Variants in PEBP4 observed in about 807,000 individuals in gnomAD.
PEBP4 encodes the protein phosphatidylethanolamine-binding protein 4.
Under a neutral mutation model 23.9 loss-of-function variants are expected in PEBP4, and 22 were observed. The observed-to-expected ratio is 0.92, with a 90% confidence interval of 0.66 to 1.31. The LOEUF is 1.31. PEBP4 is among the 40% of genes most tolerant of loss of function. The probability of loss-of-function intolerance (pLI) is 0.00; values close to 1 mark genes in which losing one functional copy is unlikely to be tolerated. For missense variants in PEBP4, 324 were observed against 281.7 expected (o/e 1.15, Z -1.07); for synonymous variants, 112 against 99.3 (o/e 1.13, Z -0.76).
chr8:22,724,568 G>A (rs960409867), intron 6 of PEBP4, among the ~76,000 whole-genome samples: 5 of 152,240 alleles, frequency 3.3e-5, no homozygotes, highest in Non-Finnish European at 5.9e-5. Flanking sequence ...CCTGGCTGCA[G>A]TCACCTGCTT....
chr8:22,939,128 G>C (rs1015008018), intron 1 of PEBP4, among the ~76,000 whole-genome samples: 9 of 152,000 alleles, frequency 5.9e-5, no homozygotes, highest in Non-Finnish European at 1.3e-4. Flanking sequence ...CAGGGAGTGG[G>C]GCTTACTTCT....
chr8:22,724,739 T>C, intron 6 of PEBP4, 104 bp downstream of exon 6: 1 of 827,792 alleles, frequency 1.2e-6, no homozygotes, highest in Non-Finnish European at 2.0e-6. Context: ...TCTCCAAGGC[T>C]CATGAGTGGG....
intron 3 of PEBP4, among the ~76,000 whole-genome samples, chr8:22,860,185 TATATATGTATATATATATATACAC>T (rs1261001785): frequency 0.085 from 3,846 of 45,160 alleles, 73 homozygotes; most frequent in Middle Eastern, 0.16. Flanking sequence ...TATATACACA[TATATATGTATATATATATATACAC>T]ATATATGTAT....
At chr8:22,798,589 T>C (rs975793581) in intron 4 of PEBP4, 4 of 153,216 alleles carry the variant, frequency 2.6e-5, no homozygotes, top group African/African-American at 9.7e-5. Context: ...GACCCTGGTG[T>C]TTCCTCACAG....
At chr8:22,910,131 T>C (rs1287673470) in intron 3 of PEBP4, among the ~76,000 whole-genome samples, 1 of 152,238 alleles carries the variant, frequency 6.6e-6, no homozygotes, top group Non-Finnish European at 1.5e-5. Context: ...AGAGTCGTTT[T>C]ATCTCTAAGG....
In PEBP4 at chr8:22,898,389, CCCAAAAAAAAAAAAAAAAAAAAAA is replaced by C. The variant is rs1808635027; in HGVS notation, c.258+21771_258+21794del. 8.1e-5 allele frequency among the ~76,000 whole-genome samples: 7 copies of C among 86,688 alleles called. No individual in the cohort carries two copies. In the South Asian group the frequency reaches 2.9e-3, roughly 36 times the overall value. 56.9% of individuals were successfully genotyped at this position (86,688 alleles called of 152,430 possible). ...CCTGAGCGACAGAGGAAGACTCCAC[CCCAAAAAAAAAAAAAAAAAAAAAA>C]AAAAAAAAAAAAAAAAAACCCACCC... is the stretch of plus-strand genomic sequence containing the variant. On this transcript the variant is annotated intron_variant, in intron 3 of 6. Coordinates refer to ENST00000256404, the MANE Select transcript of PEBP4 (RefSeq NM_144962.3).
chr8:22,835,472 A>G (rs1807182786), intron 3 of PEBP4, among the ~76,000 whole-genome samples: 1 of 152,154 alleles, frequency 6.6e-6, no homozygotes, highest in African/African-American at 2.4e-5. Flanking sequence ...GCCCGGGAAC[A>G]CTGGTGCACA....
Position 22,761,967 on chromosome 8 carries a change from CATTT to C in PEBP4, c.358-34751_358-34748del, listed in dbSNP as rs576230684. 1.1e-4 allele frequency among the ~76,000 whole-genome samples: 17 copies of C among 152,296 alleles called. No homozygotes were observed. In the South Asian group the frequency reaches 3.5e-3, roughly 32 times the overall value. ...ATATTATGCCTAAGGCATAACTCTGCATTTATTGTTGCTACTGGCAGATTTTAGC... is the reference window on the plus strand; with the variant it reads ...ATATTATGCCTAAGGCATAACTCTGCATTGTTGCTACTGGCAGATTTTAGC... On this transcript the variant is annotated intron_variant, in intron 4 of 6. Coordinates refer to ENST00000256404, the MANE Select transcript of PEBP4 (RefSeq NM_144962.3).
intron 4 of PEBP4, among the ~76,000 whole-genome samples, chr8:22,728,085 TC>T (rs780864612): frequency 1.3e-5 from 2 of 152,106 alleles, no homozygotes; most frequent in Non-Finnish European, 2.9e-5. Context: ...TTAGCGTGAC[TC>T]TTAATTGAGT....
chr8:22,927,774 C>T, intron 1 of PEBP4, 49 bp downstream of exon 1: 1 of 1,604,370 alleles, frequency 6.2e-7, no homozygotes, highest in Non-Finnish European at 8.5e-7. Flanking sequence ...GCCTTCCTGC[C>T]CACTACCTGT....
intron 4 of PEBP4, among the ~76,000 whole-genome samples, chr8:22,766,153 T>A (rs983518305): frequency 6.6e-6 from 1 of 152,198 alleles, no homozygotes; most frequent in East Asian, 1.9e-4. Context: ...CACGCCACAG[T>A]CTTGGCCAGT....
chr8:22,927,956 G>A (rs1322158236), upstream of PEBP4: 13 of 484,186 alleles, frequency 2.7e-5, no homozygotes, highest in Admixed American at 4.2e-4. Flanking sequence ...TCCTGGCAGA[G>A]GCCCCTCCCC....
At chr8:22,724,154 G>A (rs895046599) in intron 6 of PEBP4, among the ~76,000 whole-genome samples, 5 of 152,212 alleles carry the variant, frequency 3.3e-5, no homozygotes, top group African/African-American at 1.2e-4. Context: ...GATGGCGGGT[G>A]GGGGAGTCGG....
In PEBP4 at chr8:22,760,488, G is replaced by A. The variant is rs144952578; in HGVS notation, c.358-33268C>T. On this transcript the variant is annotated intron_variant, in intron 4 of 6. Coordinates refer to ENST00000256404, the MANE Select transcript of PEBP4 (RefSeq NM_144962.3). ...GTAGGTGCTTGGTGGATGCTTATGG[G>A]ATGAACAGTGAATGAAGAGGCCATG... Among the ~76,000 whole-genome samples, 385 of 152,278 alleles carry A rather than the reference G, an allele frequency of 2.5e-3. 2 individuals are homozygous for A. The highest frequency in any genetic ancestry group is 4.5e-3 in the Non-Finnish European group (307 of 68,030).
chr8:22,740,371 C>G (rs2128750374), intron 4 of PEBP4, among the ~76,000 whole-genome samples: 1 of 152,314 alleles, frequency 6.6e-6, no homozygotes, highest in South Asian at 2.1e-4. Context: ...AGTCCCCCAG[C>G]CCCTCAGAGC....
At chr8:22,788,797 C>T (rs1324030900) in intron 4 of PEBP4, among the ~76,000 whole-genome samples, 1 of 152,154 alleles carries the variant, frequency 6.6e-6, no homozygotes, top group Non-Finnish European at 1.5e-5. Context: ...AGAATTTATT[C>T]TCAGAAAGTC....
At chr8:22,868,585 G>A (rs922546119) in intron 3 of PEBP4, among the ~76,000 whole-genome samples, 1 of 152,164 alleles carries the variant, frequency 6.6e-6, no homozygotes, top group Non-Finnish European at 1.5e-5. Flanking sequence ...CCAGCAGGAT[G>A]TCAAACAGTG....
intron 4 of PEBP4, among the ~76,000 whole-genome samples, chr8:22,734,109 C>A (rs1437634655): frequency 6.6e-6 from 1 of 152,214 alleles, no homozygotes; most frequent in Non-Finnish European, 1.5e-5. Flanking sequence ...GGAAAAGGCA[C>A]AGGACTGGAA....
chr8:22,794,328 G>C (rs1806198284), intron 4 of PEBP4, among the ~76,000 whole-genome samples: 1 of 151,280 alleles, frequency 6.6e-6, no homozygotes, highest in South Asian at 2.1e-4. Flanking sequence ...GTCTTGCTCT[G>C]CTGCCCAAGT....
Sources: allele counts gnomAD v4.1 joint callset (sites outside exome capture counted in the v4.1 genomes callset), GRCh38; gene constraint gnomAD v4.1.1; transcripts MANE v1.5; gene names NCBI Gene and HGNC (gene_info 2026-07-23, HGNC 2026-07-21).